MNS1: variants seen among roughly 807,000 people sequenced by gnomAD.
MNS1 encodes the protein meiosis specific nuclear structural 1, also known as meiosis-specific nuclear structural protein 1.
A neutral mutation model predicts 72.0 loss-of-function variants in MNS1; 63 were observed. That is an observed-to-expected ratio of 0.87 (90% CI 0.71 to 1.08). The LOEUF is 1.08. MNS1 is among the 50% of genes least tolerant of loss of function. The probability of loss-of-function intolerance (pLI) is 0.00; values close to 1 mark genes in which losing one functional copy is unlikely to be tolerated. For missense variants in MNS1, 604 were observed against 562.4 expected (o/e 1.07, Z -0.75); for synonymous variants, 188 against 172.1 (o/e 1.09, Z -0.72).
chr15:56,463,656 C>G (rs547225156), intron 2 of MNS1: 2 of 172,830 alleles, frequency 1.2e-5, no homozygotes, highest in Non-Finnish European at 2.4e-5. Flanking sequence ...GTGTTGCGCG[C>G]CTATAGTCCC....
At chr15:56,429,493 C>T (rs1470558227) in intron 9 of MNS1, 7 of 273,454 alleles carry the variant, frequency 2.6e-5, no homozygotes, top group Non-Finnish European at 4.7e-5. Flanking sequence ...GAAGGCACTT[C>T]ATCTATACTG....
chr15:56,429,046 C>T lies in MNS1; in HGVS notation c.*55G>A, dbSNP rs919720838. The T allele has an allele frequency of 2.6e-6, 3 of 1,140,498 alleles. No homozygotes were observed. The highest frequency in any genetic ancestry group is 1.6e-5 in the African/African-American group (1 of 62,372). The allele number at this position is 1,140,498 out of a possible 1,614,324, so 70.6% of individuals were successfully genotyped here. A position where few individuals can be genotyped will look rare whatever the true frequency, so the allele number is the denominator to read the frequency against. ...ACTGAACTGTAAAACAAAAGTTATG[C>T]TGACATCTAGTGGTAACATGCAAAA... On this transcript the variant is annotated 3_prime_UTR_variant, in exon 10 of 10. Coordinates refer to ENST00000260453, the MANE Select transcript of MNS1 (RefSeq NM_018365.4).
chr15:56,443,796 G>C lies in MNS1; in HGVS notation c.745C>G (p.Gln249Glu). 2 of 1,612,452 alleles carry C rather than the reference G, an allele frequency of 1.2e-6. No homozygotes were observed. Among genetic ancestry groups the C allele is most frequent in the Non-Finnish European group, 1.7e-6 (2 of 1,179,450 alleles). The change falls in exon 6 of 10, where the codon CAG becomes GAG. Residue 249 changes from glutamine to glutamate, a missense_variant. Gln to Glu is a conservative substitution (Grantham distance 29, BLOSUM62 2). Coordinates refer to ENST00000260453, the MANE Select transcript of MNS1 (RefSeq NM_018365.4). ...NAMRRYIEEF[Q>E]KEQALWRKKK... ...TTTCTCCAGAGAGCCTGCTCTTTCT[G>C]AAACTCTTCTATATACCTTCGCATT...
chr15:56,450,019 TTA>T (rs1391933675), intron 3 of MNS1, among the ~76,000 whole-genome samples: 1 of 152,180 alleles, frequency 6.6e-6, no homozygotes, highest in Non-Finnish European at 1.5e-5. Context: ...TTGTTCTACT[TTA>T]TGTTTATATT....
At chr15:56,461,222 AC>A in intron 2 of MNS1, among the ~76,000 whole-genome samples, 1 of 152,210 alleles carries the variant, frequency 6.6e-6, no homozygotes, top group African/African-American at 2.4e-5. Flanking sequence ...AAACAACCTC[AC>A]AGAAACACCG....
intron 3 of MNS1, among the ~76,000 whole-genome samples, chr15:56,455,358 T>G (rs1435485695): frequency 1.3e-5 from 2 of 151,726 alleles, no homozygotes; most frequent in African/African-American, 2.4e-5. Context: ...TTAACAGTAA[T>G]TCTAAATTTC....
In MNS1 at chr15:56,444,665, A is replaced by G. The variant is rs367708963; in HGVS notation, c.465T>C (p.Asp155=). 3.9e-5 allele frequency: 63 copies of G among 1,610,726 alleles called. No individual in the cohort carries two copies. The East Asian group carries it at 1.2e-3, about 31-fold the overall frequency. The change falls in exon 5 of 10, where the codon GAT becomes GAC. Residue 155 remains aspartate (D), a synonymous_variant. Coordinates refer to ENST00000260453, the MANE Select transcript of MNS1 (RefSeq NM_018365.4). ...CCATCATGGTTTTGGCTATTTCAGC[A>G]TCACGTTTCTGTTATTAAAACAAAA... The part of the protein sequence containing the change: ...DAIKYEQMKR[D]AEIAKTMMEE...
rs1422927932 is a variant in MNS1, at chr15:56,429,093, T to A, written c.*8A>T. The stretch of plus-strand genomic sequence containing the variant: ...AAAAAATCTATGCTTTACCCAATTT[T>A]GATGATATCATTTCTCTTCACAAAT... On this transcript the variant is annotated 3_prime_UTR_variant, in exon 10 of 10. Transcript: ENST00000260453. 3 of 1,558,644 alleles carry A rather than the reference T, an allele frequency of 1.9e-6. No homozygotes were observed. The highest frequency in any genetic ancestry group is 2.6e-6 in the Non-Finnish European group (3 of 1,144,568).
At chr15:56,444,808 G>C in intron 4 of MNS1, 135 bp from the exon 5 acceptor site, 1 of 767,074 alleles carries the variant, frequency 1.3e-6, no homozygotes, top group Admixed American at 2.9e-5. Context: ...AGGTTAAAAA[G>C]CAAAAGTAAG....
In MNS1 at chr15:56,465,081, T is replaced by C; in HGVS notation, c.-109A>G. The C allele has an allele frequency of 6.8e-7, 1 of 1,479,820 alleles. No individual in the cohort carries two copies. The highest frequency in any genetic ancestry group is 9.2e-7 in the Non-Finnish European group (1 of 1,090,116). The allele number at this position is 1,479,820 out of a possible 1,614,324, so 91.7% of individuals were successfully genotyped here. ...GCGCACCTGGCTGCGCGCGCTCGGG[T>C]GTTTACGCGGCGTCTTGGCAACGGT... On this transcript the variant is annotated 5_prime_UTR_variant, in exon 1 of 10. Transcript: ENST00000260453.
intron 3 of MNS1, among the ~76,000 whole-genome samples, chr15:56,448,099 G>C (rs1357132292): frequency 1.3e-5 from 2 of 152,164 alleles, no homozygotes; most frequent in East Asian, 3.9e-4. Flanking sequence ...AAATAAAGCT[G>C]CTATGGAAAT....
At chr15:56,447,015 T>G in intron 3 of MNS1, 72 bp from the exon 4 acceptor site, 1 of 1,013,576 alleles carries the variant, frequency 9.9e-7, no homozygotes, top group Non-Finnish European at 1.5e-6. Context: ...GAAAACTGAG[T>G]AACTGTATTT....
chr15:56,460,007 A>ATATATATATATATATATATATATAT (rs1555449663), intron 2 of MNS1, among the ~76,000 whole-genome samples: 3 of 27,636 alleles, frequency 1.1e-4, no homozygotes, highest in African/African-American at 4.0e-4. Context: ...AAAAAAAAAA[A>ATATATATATATATATATATATATAT]AAATACATAT....
Position 56,428,926 on chromosome 15 carries a change from T to C in MNS1, c.*175A>G. The C allele has an allele frequency of 1.8e-6, 1 of 540,706 alleles. No individual in the cohort carries two copies. The highest frequency in any genetic ancestry group is 3.2e-6 in the Non-Finnish European group (1 of 311,040). The allele number at this position is 540,706 out of a possible 1,614,324, so 33.5% of individuals were successfully genotyped here. A position where few individuals can be genotyped will look rare whatever the true frequency, so the allele number is the denominator to read the frequency against. On this transcript the variant is annotated 3_prime_UTR_variant, in exon 10 of 10. Coordinates refer to ENST00000260453, the MANE Select transcript of MNS1 (RefSeq NM_018365.4). The stretch of plus-strand genomic sequence containing the variant: ...AAATTATCAGTACAAAAATAACAGC[T>C]TGATTAAAATTAATTTGTATCTGAT...
intron 5 of MNS1, 54 bp from the exon 6 acceptor site, chr15:56,443,908 T>A: frequency 1.5e-6 from 2 of 1,295,740 alleles, no homozygotes; most frequent in Non-Finnish European, 2.1e-6. Context: ...TATAAAAAAG[T>A]AATTTCATTT....
intron 7 of MNS1, among the ~76,000 whole-genome samples, chr15:56,436,176 C>T (rs1337467954): frequency 6.6e-6 from 1 of 152,164 alleles, no homozygotes; most frequent in Non-Finnish European, 1.5e-5. Context: ...CCACACCGCA[C>T]TTATTCCAAA....
intron 6 of MNS1, 26 bp from the exon 7 acceptor site, chr15:56,443,563 ATATT>A (rs1331551332): frequency 1.0e-5 from 16 of 1,573,032 alleles, no homozygotes; most frequent in African/African-American, 1.4e-5. Context: ...AAAAACATAA[ATATT>A]TATAGGATCC....
At chr15:56,453,459 C>T (rs1025146634) in intron 3 of MNS1, among the ~76,000 whole-genome samples, 11 of 151,970 alleles carry the variant, frequency 7.2e-5, no homozygotes, top group African/African-American at 2.2e-4. Flanking sequence ...GATTATCAGT[C>T]CAGAACATAA....
intron 7 of MNS1, among the ~76,000 whole-genome samples, chr15:56,440,947 A>G (rs1320842675): frequency 6.6e-6 from 1 of 152,132 alleles, no homozygotes; most frequent in Non-Finnish European, 1.5e-5. Flanking sequence ...TGCTGCATAA[A>G]CATTTGTGTA....
Sources: gnomAD v4.1 joint callset for allele counts (sites outside exome capture counted in the v4.1 genomes callset) on GRCh38, gnomAD v4.1.1 for gene constraint, MANE v1.5 for transcripts, NCBI Gene and HGNC (gene_info 2026-07-23, HGNC 2026-07-21) for gene names.